The following MYO10 variants were observed in gnomAD, a reference collection of about 807,000 sequenced individuals.
MYO10 encodes the protein unconventional myosin-X.
Under a neutral mutation model 257.3 loss-of-function variants are expected in MYO10, and 133 were observed. That is an observed-to-expected ratio of 0.52 (90% CI 0.45 to 0.60). The LOEUF (loss-of-function observed/expected upper bound fraction) is 0.60. Among genes scored for constraint, MYO10 ranks in the 20% least tolerant of loss-of-function variants. The probability of loss-of-function intolerance (pLI) is 0.00; values close to 1 mark genes in which losing one functional copy is unlikely to be tolerated. For synonymous variants in MYO10, 1,104 were observed against 1,028.6 expected (o/e 1.07, Z -1.40); for missense variants, 2,399 against 2,635.7 (o/e 0.91, Z 1.97).
Position 16,754,884 on chromosome 5 carries a change from T to C in MYO10, c.1873A>G (p.Thr625Ala). ...AAGAAAGGATTAGAGGAGCTTAGCG[T>C]TGCCATTAAGGAATGCAGTGAGTCC... ...FKDSLHSLMATLSSSNPFFVR... is the reference protein window; with the variant it reads ...FKDSLHSLMAALSSSNPFFVR... The change falls in exon 19 of 41, where the codon ACG becomes GCG. Residue 625 changes from threonine (T) to alanine (A), a missense_variant. By Grantham distance (58) the Thr-to-Ala change is moderately conservative (BLOSUM62 0). This residue lies in a region of MYO10 where 1,820 missense variants were observed against 1,939.4 expected (regional missense o/e 0.94). Coordinates refer to ENST00000513610, the MANE Select transcript of MYO10 (RefSeq NM_012334.3). 6 of 1,602,232 alleles carry C rather than the reference T, an allele frequency of 3.7e-6. No homozygotes were observed. Among genetic ancestry groups the C allele is most frequent in the Non-Finnish European group, 5.1e-6 (6 of 1,172,606 alleles).
At chr5:16,777,839 C>CTATTCTTTTTTT (rs1391555719) in intron 9 of MYO10, among the ~76,000 whole-genome samples, 3 of 88,482 alleles carry the variant, frequency 3.4e-5, no homozygotes, top group African/African-American at 1.6e-4. Context: ...TTGCATCTAA[C>CTATTCTTTTTTT]TTTTTTTTTT....
At chr5:16,752,247 A>G (rs1290191272) in intron 19 of MYO10, among the ~76,000 whole-genome samples, 1 of 152,176 alleles carries the variant, frequency 6.6e-6, no homozygotes, top group Non-Finnish European at 1.5e-5. Context: ...CTCACCAGAA[A>G]CTGTGAGATG....
At chr5:16,702,867 C>T (rs1002367118) in intron 23 of MYO10, 58 bp downstream of exon 23, 30 of 1,451,324 alleles carry the variant, frequency 2.1e-5, no homozygotes, top group Non-Finnish European at 2.8e-5. Context: ...AGACAGATAC[C>T]GAGCACAGCA....
chr5:16,771,723 G>A (rs1741056503), intron 9 of MYO10, among the ~76,000 whole-genome samples: 2 of 151,528 alleles, frequency 1.3e-5, no homozygotes, highest in South Asian at 4.2e-4. Context: ...GGGACAACAG[G>A]TGCACACCAA....
intron 19 of MYO10, among the ~76,000 whole-genome samples, chr5:16,711,716 A>G (rs1362109800): frequency 6.6e-6 from 1 of 152,128 alleles, no homozygotes; most frequent in Admixed American, 6.6e-5. Context: ...CGGGAGGCAG[A>G]GGTTGCAGTG....
At chr5:16,876,089 G>A (rs879883264) in intron 2 of MYO10, among the ~76,000 whole-genome samples, 1 of 151,720 alleles carries the variant, frequency 6.6e-6, no homozygotes, top group Non-Finnish European at 1.5e-5. Flanking sequence ...CTCCAGGCTG[G>A]GCAACAGAGC....
intron 1 of MYO10, among the ~76,000 whole-genome samples, chr5:16,887,163 C>T (rs1295509647): frequency 6.6e-6 from 1 of 152,128 alleles, no homozygotes; most frequent in Non-Finnish European, 1.5e-5. Flanking sequence ...CACATTCCTT[C>T]CCCTTATCCT....
At position 16,666,871 on chromosome 5, in the gene MYO10, T is replaced by A; in HGVS notation, c.6076-78A>T. 6 of 1,146,804 alleles carry A rather than the reference T, an allele frequency of 5.2e-6. No homozygotes were observed. In the South Asian group the frequency reaches 8.2e-5, roughly 16 times the overall value. The allele number at this position is 1,146,804 out of a possible 1,614,324, so 71.0% of individuals were successfully genotyped here. A position where few individuals can be genotyped will look rare whatever the true frequency, so the allele number is the denominator to read the frequency against. ...AGGGCCCTGCCTAATAATCCAGACATTCCCTGGGCACCCTCCCGTAGCCTT... is the reference window on the plus strand; with the variant it reads ...AGGGCCCTGCCTAATAATCCAGACAATCCCTGGGCACCCTCCCGTAGCCTT... On this transcript the variant is annotated intron_variant, in intron 40 of 40. Coordinates refer to ENST00000513610, the MANE Select transcript of MYO10 (RefSeq NM_012334.3).
intron 2 of MYO10, among the ~76,000 whole-genome samples, chr5:16,874,344 C>CCGG (rs796101418): frequency 3.5e-5 from 1 of 28,446 alleles, no homozygotes; most frequent in East Asian, 2.5e-3. Flanking sequence ...AAAAAAAAAG[C>CCGG]GGGGGGGGGG....
At chr5:16,757,312 AC>A (rs1740562967) in intron 18 of MYO10, among the ~76,000 whole-genome samples, 8 of 111,984 alleles carry the variant, frequency 7.1e-5, no homozygotes, top group Non-Finnish European at 5.5e-5. Context: ...ACACACACAC[AC>A]ACGCACACAC....
intron 31 of MYO10, 125 bp downstream of exon 31, chr5:16,681,742 CACTT>C (rs1167136617): frequency 4.8e-6 from 6 of 1,239,410 alleles, no homozygotes; most frequent in East Asian, 2.5e-5. Context: ...AATTAAAAAT[CACTT>C]ACAAAATCTC....
intron 1 of MYO10, among the ~76,000 whole-genome samples, chr5:16,911,903 T>C (rs1196410884): frequency 6.6e-6 from 1 of 151,920 alleles, no homozygotes; most frequent in Non-Finnish European, 1.5e-5. Context: ...CCGGGTGTGG[T>C]GGTGGGCACC....
intron 2 of MYO10, among the ~76,000 whole-genome samples, chr5:16,859,902 A>G (rs1420325348): frequency 6.6e-6 from 1 of 152,042 alleles, no homozygotes; most frequent in East Asian, 1.9e-4. Flanking sequence ...TCAGGCCCCA[A>G]TTCTCTCTCT....
At chr5:16,911,605 G>A (rs543331121) in intron 1 of MYO10, among the ~76,000 whole-genome samples, 24 of 152,098 alleles carry the variant, frequency 1.6e-4, no homozygotes, top group African/African-American at 5.5e-4. Flanking sequence ...TGTGGTGCAC[G>A]CCTGTAGTCC....
rs181980296 is a variant in MYO10, at chr5:16,698,915, G to A, written c.3556+535C>T. ...TGGGATTACAGGCGTGAGCCACCAC[G>A]CCCGGCCGAGAACATGCAGTTTATC... On this transcript the variant is annotated intron_variant, in intron 26 of 40. Transcript: ENST00000513610. Among the ~76,000 whole-genome samples the A allele has an allele frequency of 1.2e-3, 175 of 143,818 alleles. 12 individuals are homozygous for A. Among genetic ancestry groups the A allele is most frequent in the African/African-American group, 5.0e-3 (169 of 33,808 alleles). 94.4% of individuals were successfully genotyped at this position (143,818 alleles called of 152,430 possible). A position where few individuals can be genotyped will look rare whatever the true frequency, so the allele number is the denominator to read the frequency against.
chr5:16,846,870 C>A (rs1422170590), intron 2 of MYO10, among the ~76,000 whole-genome samples: 2 of 152,242 alleles, frequency 1.3e-5, no homozygotes, highest in Non-Finnish European at 2.9e-5. Flanking sequence ...GTAATCCCAG[C>A]ACTTTGGGAG....
At chr5:16,721,830 A>G (rs1739164616) in intron 19 of MYO10, among the ~76,000 whole-genome samples, 1 of 152,166 alleles carries the variant, frequency 6.6e-6, no homozygotes, top group Non-Finnish European at 1.5e-5. Flanking sequence ...GCACACATAC[A>G]TGTCAATCTT....
intron 21 of MYO10, among the ~76,000 whole-genome samples, chr5:16,705,985 C>T (rs896329165): frequency 6.6e-6 from 1 of 152,096 alleles, no homozygotes; most frequent in African/African-American, 2.4e-5. Flanking sequence ...AGTTGGGAGA[C>T]CAGCCTGGCC....
intron 28 of MYO10, among the ~76,000 whole-genome samples, chr5:16,687,159 G>A (rs533450079): frequency 2.6e-5 from 4 of 151,610 alleles, no homozygotes; most frequent in Non-Finnish European, 4.4e-5. Flanking sequence ...CAGTCTCTAC[G>A]AAAAATAAAA....
Sources: gnomAD v4.1 joint callset for allele counts (sites outside exome capture counted in the v4.1 genomes callset) on GRCh38, gnomAD v4.1.1 for gene constraint, gnomAD v4.1.1 regional missense constraint, MANE v1.5 for transcripts, NCBI Gene and HGNC (gene_info 2026-07-23, HGNC 2026-07-21) for gene names.